The following IKBIP variants were observed in gnomAD, a reference collection of about 807,000 sequenced individuals.
The protein encoded by IKBIP is IKBKB interacting protein, also known as inhibitor of nuclear factor kappa-B kinase-interacting protein.
A neutral mutation model predicts 31.0 loss-of-function variants in IKBIP; 28 were observed. The observed-to-expected ratio is 0.90, with a 90% CI of 0.67 to 1.24. The LOEUF is 1.24. Ranked by LOEUF, IKBIP falls within the 50% of genes most tolerant of loss-of-function variation. The pLI is 0.00. For missense variants in IKBIP, 453 were observed against 441.9 expected (o/e 1.03, Z -0.23); for synonymous variants, 164 against 160.3 (o/e 1.02, Z -0.17).
Position 98,632,525 on chromosome 12 carries a change from A to G in IKBIP, c.297+1771T>C, listed in dbSNP as rs1449175110. Among the ~76,000 whole-genome samples the G allele has an allele frequency of 4.4e-4, 31 of 70,920 alleles. 1 individual carries two copies. The highest frequency in any genetic ancestry group is 1.6e-3 in the African/African-American group (31 of 19,314). 46.5% of individuals were successfully genotyped at this position (70,920 alleles called of 152,430 possible). ...AAAAAAAAAAAAAATATATATATAT[A>G]TATATATATATATATATATATATGA... On this transcript the variant is annotated intron_variant, in intron 2 of 2. Transcript: ENST00000299157.
At chr12:98,621,042 G>A (rs962999818), downstream of IKBIP, among the ~76,000 whole-genome samples, 3 of 152,144 alleles carry the variant, frequency 2.0e-5, no homozygotes, top group East Asian at 3.9e-4. Context: ...GAGGTCAGGA[G>A]TTCGAGACCA....
rs2097612526 is a variant in IKBIP at position 98,624,554 on chromosome 12, T to TG, written c.*1375_*1376insC. 2 of 981,350 alleles carry TG rather than the reference T, an allele frequency of 2.0e-6. No homozygotes were observed. The highest frequency in any genetic ancestry group is 3.5e-5 in the African/African-American group (2 of 57,150). 60.8% of individuals were successfully genotyped at this position (981,350 alleles called of 1,614,324 possible). On this transcript the variant is annotated 3_prime_UTR_variant, in exon 3 of 3. Transcript: ENST00000299157. ...ACTGACTGCTTTCAAGTTCTTTGTG[T>TG]TTAATTCCATCAAAAACTGCATTAT...
chr12:98,638,276 GATA>G (rs2097627574), intron 1 of IKBIP, among the ~76,000 whole-genome samples: 1 of 152,056 alleles, frequency 6.6e-6, no homozygotes, highest in South Asian at 2.1e-4. Context: ...GTGAAGTGGG[GATA>G]ATACCTTATT....
At chr12:98,633,105 C>T (rs941985776) in intron 2 of IKBIP, among the ~76,000 whole-genome samples, 6 of 152,186 alleles carry the variant, frequency 3.9e-5, no homozygotes, top group Non-Finnish European at 7.3e-5. Flanking sequence ...GCTGCAGGGA[C>T]TTAGATGCTC....
At chr12:98,619,836 C>T (rs916684131), downstream of IKBIP, among the ~76,000 whole-genome samples, 2 of 140,568 alleles carry the variant, frequency 1.4e-5, no homozygotes, top group African/African-American at 2.7e-5. Flanking sequence ...CATGCCACTG[C>T]ACTCCAGTCT....
At chr12:98,633,651 G>C (rs1026686380) in intron 2 of IKBIP, among the ~76,000 whole-genome samples, 4 of 151,286 alleles carry the variant, frequency 2.6e-5, no homozygotes, top group African/African-American at 9.7e-5. Context: ...CGAGTAGCTG[G>C]GATTACAGGC....
chr12:98,618,712 G>A (rs1244322569), intron 2 of IKBIP, among the ~76,000 whole-genome samples: 1 of 151,506 alleles, frequency 6.6e-6, no homozygotes. Flanking sequence ...TCCTCCCAAA[G>A]TGCTGGGATT....
At chr12:98,634,520 A>T in intron 1 of IKBIP, 107 bp from the exon 2 acceptor site, 150 of 471,340 alleles carry the variant, frequency 3.2e-4, no homozygotes, top group Middle Eastern at 1.9e-3. Context: ...AAATTCTGGT[A>T]TGGGTAGCTG....
At chr12:98,620,151 C>T (rs2097608995), downstream of IKBIP, among the ~76,000 whole-genome samples, 1 of 148,852 alleles carries the variant, frequency 6.7e-6, no homozygotes, top group Admixed American at 6.7e-5. Context: ...GAACTCCTGA[C>T]CTCAAGTAAT....
intron 2 of IKBIP, among the ~76,000 whole-genome samples, chr12:98,618,738 C>T (rs2097607869): frequency 6.6e-6 from 1 of 152,112 alleles, no homozygotes; most frequent in Admixed American, 6.5e-5. Flanking sequence ...CGTGAGCCAC[C>T]ACACCTAGCT....
chr12:98,625,719 A>G lies in IKBIP; in HGVS notation c.*211T>C, dbSNP rs556025344. ...TTTTAAAAGTAGAGAAATATTTTTA[A>G]AGAACTATTTCTATTTCAAATAGTT... is the stretch of plus-strand genomic sequence containing the variant. On this transcript the variant is annotated 3_prime_UTR_variant, in exon 3 of 3. Transcript: ENST00000299157. 4.7e-5 allele frequency: 14 copies of G among 300,520 alleles called. No individual in the cohort carries two copies. Among genetic ancestry groups the G allele is most frequent in the African/African-American group, 2.8e-4 (13 of 46,888 alleles). 18.6% of individuals were successfully genotyped at this position (300,520 alleles called of 1,614,324 possible). A position where few individuals can be genotyped will look rare whatever the true frequency, so the allele number is the denominator to read the frequency against.
In IKBIP at chr12:98,624,301, T is replaced by C; in HGVS notation, c.*1629A>G. The C allele has an allele frequency of 1.0e-6, 1 of 973,200 alleles. No individual in the cohort carries two copies. The highest frequency in any genetic ancestry group is 1.8e-5 in the African/African-American group (1 of 57,128). 60.3% of individuals were successfully genotyped at this position (973,200 alleles called of 1,614,324 possible). On this transcript the variant is annotated 3_prime_UTR_variant, in exon 3 of 3. Transcript: ENST00000299157. ...TAATATAAAAGTAAACAAATAGAATTTTGTCAGTGCACGCAAATAAGAGAC... is the reference window on the plus strand; with the variant it reads ...TAATATAAAAGTAAACAAATAGAATCTTGTCAGTGCACGCAAATAAGAGAC...
At chr12:98,619,598 T>C (rs1043707036), downstream of IKBIP, among the ~76,000 whole-genome samples, 1 of 152,028 alleles carries the variant, frequency 6.6e-6, no homozygotes. Flanking sequence ...AGAGTTAGAG[T>C]CTATCAGTAG....
exon 3 of IKBIP, chr12:98,613,765 A>G (rs1360703886): frequency 6.2e-7 from 1 of 1,611,848 alleles, no homozygotes; most frequent in Non-Finnish European, 8.5e-7. Flanking sequence ...CTAAACGGGA[A>G]AAGTCCTTCT....
At chr12:98,618,342 T>C (rs953587551) in intron 2 of IKBIP, among the ~76,000 whole-genome samples, 2 of 152,066 alleles carry the variant, frequency 1.3e-5, no homozygotes, top group South Asian at 2.1e-4. Context: ...AAGAAAAAAT[T>C]GAGGCCAGGC....
downstream of IKBIP, among the ~76,000 whole-genome samples, chr12:98,623,203 C>T (rs1025247172): frequency 6.6e-6 from 1 of 150,970 alleles, no homozygotes; most frequent in Non-Finnish European, 1.5e-5. Flanking sequence ...GTCTTGAACT[C>T]CTGACCTCAG....
At chr12:98,640,718 T>G (rs746557579) in intron 1 of IKBIP, among the ~76,000 whole-genome samples, 4 of 152,136 alleles carry the variant, frequency 2.6e-5, no homozygotes, top group Non-Finnish European at 4.4e-5. Flanking sequence ...CCATATGGGT[T>G]TGGGCAACTT....
intron 2 of IKBIP, among the ~76,000 whole-genome samples, chr12:98,618,602 G>A (rs1381916684): frequency 6.6e-6 from 1 of 150,428 alleles, no homozygotes; most frequent in East Asian, 2.0e-4. Context: ...CTCCAGCCTG[G>A]GCGACAGAGC....
chr12:98,625,172 C>T lies in IKBIP; in HGVS notation c.*758G>A, dbSNP rs1242543266. 2.0e-6 allele frequency: 2 copies of T among 984,726 alleles called. No individual in the cohort carries two copies. The highest frequency in any genetic ancestry group is 3.5e-5 in the African/African-American group (2 of 57,200). 61.0% of individuals were successfully genotyped at this position (984,726 alleles called of 1,614,324 possible). ...TGTCTAACACAGTTGGAACCTAAAA[C>T]TCAGGTATATAAAGATATTTCAAAG... On this transcript the variant is annotated 3_prime_UTR_variant, in exon 3 of 3. Coordinates refer to ENST00000299157, the MANE Select transcript of IKBIP (RefSeq NM_153687.4).
Sources: gnomAD v4.1 joint callset for allele counts (sites outside exome capture counted in the v4.1 genomes callset) on GRCh38, gnomAD v4.1.1 for gene constraint, MANE v1.5 for transcripts, NCBI Gene and HGNC (gene_info 2026-07-23, HGNC 2026-07-21) for gene names.